PCP2: variants seen among roughly 807,000 people sequenced by gnomAD.
PCP2 encodes Purkinje cell protein 2 homolog.
Under a neutral mutation model 18.3 loss-of-function variants are expected in PCP2, and 21 were observed. The ratio of observed to expected loss-of-function variants is 1.14; its 90% CI spans 0.81 to 1.65. The LOEUF is 1.65. Among genes scored for constraint, PCP2 ranks in the 40% most tolerant of loss-of-function variants. The probability of loss-of-function intolerance (pLI) is 0.00; values close to 1 mark genes in which losing one functional copy is unlikely to be tolerated. For missense variants in PCP2, 202 were observed against 201.8 expected (o/e 1.00, Z 0.00); for synonymous variants, 85 against 77.6 (o/e 1.10, Z -0.50).
Position 7,633,417 on chromosome 19 carries a change from G to A in PCP2, c.41C>T (p.Pro14Leu), listed in dbSNP as rs764220504. The A allele has an allele frequency of 1.3e-6, 2 of 1,573,778 alleles. No individual in the cohort carries two copies. The highest frequency in any genetic ancestry group is 1.9e-5 in the Admixed American group (1 of 53,984). ...QEEKTEEGSG[P>L]CAEAGSPDQE... Reference sequence around the variant, plus strand: ...GCAGGGCCCTCTCACCTCGGCACAGGGGCCTGAGCCTTCCTCCGTCTTCTC... The same window carrying A: ...GCAGGGCCCTCTCACCTCGGCACAGAGGCCTGAGCCTTCCTCCGTCTTCTC... The change falls in exon 1 of 4, where the codon CCC (proline) becomes CTC (leucine). Residue 14 changes from proline (P) to leucine (L), a missense_variant. By Grantham distance (98) the Pro-to-Leu change is moderately conservative. Coordinates refer to ENST00000311069, the MANE Select transcript of PCP2 (RefSeq NM_174895.3).
intron 1 of PCP2, chr19:7,633,095 TC>T: frequency 1.7e-6 from 2 of 1,163,422 alleles, no homozygotes; most frequent in Non-Finnish European, 2.3e-6. Context: ...CCGATGCGTG[TC>T]CCGCCGTCCT....
chr19:7,631,912 CATT>C, intron 3 of PCP2, 104 bp from the exon 4 acceptor site: 1 of 1,148,074 alleles, frequency 8.7e-7, no homozygotes, highest in East Asian at 2.8e-5. Context: ...TGTCCCACCT[CATT>C]GTGAGCACTG....
upstream of PCP2, among the ~76,000 whole-genome samples, chr19:7,634,646 A>G (rs11672067): frequency 0.29 from 44,020 of 152,236 alleles, 7,001 homozygotes; most frequent in Non-Finnish European, 0.37. Flanking sequence ...CTGGGATTAC[A>G]GGCATGAGCC....
At position 7,632,174 on chromosome 19, in the gene PCP2, G is replaced by A. The variant is rs533254524; in HGVS notation, c.291+219C>T. The A allele has an allele frequency of 3.9e-3, 2,816 of 716,666 alleles. 12 individuals carry two copies. Among genetic ancestry groups the A allele is most frequent in the Non-Finnish European group, 5.6e-3 (2,537 of 449,770 alleles). The allele number at this position is 716,666 out of a possible 1,614,324, so 44.4% of individuals were successfully genotyped here. ...CCAGAACCTTCAGACTTGGGGGCAG[G>A]AGCCACAAGTTCCAGCCATGGGTCT... On this transcript the variant is annotated intron_variant, in intron 3 of 3. Transcript: ENST00000311069. This position sits in a 1 kb window ranked among gnomAD's most constrained non-coding sequence, Gnocchi z 5.2.
At chr19:7,631,961 G>A (rs1303879339) in intron 3 of PCP2, 153 bp from the exon 4 acceptor site, 10 of 784,816 alleles carry the variant, frequency 1.3e-5, no homozygotes, top group Non-Finnish European at 1.3e-5. Context: ...CATTTAGGGT[G>A]GCATTTGAGT....
rs769723500 is a variant in PCP2 at position 7,631,779 on chromosome 19, G to C, written c.321C>G (p.Leu107=). The C allele has an allele frequency of 2.8e-6, 4 of 1,417,300 alleles. No homozygotes were observed. The highest frequency in any genetic ancestry group is 3.7e-6 in the Non-Finnish European group (4 of 1,081,320). The allele number at this position is 1,417,300 out of a possible 1,614,324, so 87.8% of individuals were successfully genotyped here. A position where few individuals can be genotyped will look rare whatever the true frequency, so the allele number is the denominator to read the frequency against. The part of the protein sequence containing the change: ...KDGAQKRAGT[L]SPQPLLTPQD... Reference sequence around the variant, plus strand: ...GAGGGGTGAGCAGGGGTTGGGGACTGAGGGTCCCAGCTCGTTTCTGTGCTC... The same window carrying C: ...GAGGGGTGAGCAGGGGTTGGGGACTCAGGGTCCCAGCTCGTTTCTGTGCTC... The change falls in exon 4 of 4, where the codon CTC becomes CTG. Residue 107 remains leucine, a synonymous_variant. Coordinates refer to ENST00000311069, the MANE Select transcript of PCP2 (RefSeq NM_174895.3).
chr19:7,631,715 G>C lies in PCP2; in HGVS notation c.385C>G (p.Pro129Ala). 6.9e-7 allele frequency: 1 copy of C among 1,454,136 alleles called. No homozygotes were observed. Among genetic ancestry groups the C allele is most frequent in the Non-Finnish European group, 9.1e-7 (1 of 1,102,382 alleles). The allele number at this position is 1,454,136 out of a possible 1,614,324, so 90.1% of individuals were successfully genotyped here. A position where few individuals can be genotyped will look rare whatever the true frequency, so the allele number is the denominator to read the frequency against. The part of the protein sequence containing the change: ...TALGFRRNSS[P>A]QPPTQAP ...CAGGGGGCTTGTGTCGGGGGCTGGG[G>C]GCTGCTGTTCCGACGGAAGCCGAGA... Residue 129 changes from proline (P) to alanine (A), a missense_variant, in exon 4 of 4, where the codon CCC becomes GCC. By Grantham distance (27) the Pro-to-Ala change is conservative. Coordinates refer to ENST00000311069, the MANE Select transcript of PCP2 (RefSeq NM_174895.3).
upstream of PCP2, chr19:7,636,695 G>A (rs948156974): frequency 6.2e-6 from 1 of 160,108 alleles, no homozygotes; most frequent in Admixed American, 6.4e-5. Flanking sequence ...AGTTATCCAA[G>A]ACGGCTGCTG....
At chr19:7,636,461 C>G (rs766336071), upstream of PCP2, 1 of 152,166 alleles carries the variant, frequency 6.6e-6, no homozygotes, top group South Asian at 2.1e-4. Context: ...GTAAGCGTTG[C>G]GCCTCCCGGA....
At chr19:7,635,921 C>G (rs1285360531), upstream of PCP2, among the ~76,000 whole-genome samples, 1 of 152,172 alleles carries the variant, frequency 6.6e-6, no homozygotes, top group Non-Finnish European at 1.5e-5. Flanking sequence ...TGCCCCCACC[C>G]TCCAGCCTTC....
In PCP2 at chr19:7,631,637, A is replaced by C; in HGVS notation, c.*52T>G. 1 of 1,453,604 alleles carries C rather than the reference A, an allele frequency of 6.9e-7. No homozygotes were observed. Among genetic ancestry groups the C allele is most frequent in the Non-Finnish European group, 9.1e-7 (1 of 1,101,072 alleles). The allele number at this position is 1,453,604 out of a possible 1,614,324, so 90.0% of individuals were successfully genotyped here. A position where few individuals can be genotyped will look rare whatever the true frequency, so the allele number is the denominator to read the frequency against. Reference sequence around the variant, plus strand: ...TCCTTGTTATTCATTTAAGTGTTTTATTCTTTTATCAGTTTTTGGGGGCCG... The same window carrying C: ...TCCTTGTTATTCATTTAAGTGTTTTCTTCTTTTATCAGTTTTTGGGGGCCG... On this transcript the variant is annotated 3_prime_UTR_variant, in exon 4 of 4. Coordinates refer to ENST00000311069, the MANE Select transcript of PCP2 (RefSeq NM_174895.3).
upstream of PCP2, among the ~76,000 whole-genome samples, chr19:7,634,462 G>A (rs1369879613): frequency 6.6e-6 from 1 of 152,188 alleles, no homozygotes; most frequent in Non-Finnish European, 1.5e-5. Flanking sequence ...TCCTCAGTAC[G>A]TGTATCCCTT....
upstream of PCP2, among the ~76,000 whole-genome samples, chr19:7,634,571 T>C (rs1034272272): frequency 6.6e-5 from 10 of 152,248 alleles, no homozygotes; most frequent in Admixed American, 5.9e-4. Flanking sequence ...GGTCTCACTA[T>C]TTTGCCCAGG....
Position 7,633,585 on chromosome 19 carries a change from C to A in PCP2, c.-128G>T. On this transcript the variant is annotated 5_prime_UTR_variant, in exon 1 of 4. Transcript: ENST00000311069. ...CCCAAATCCCCAGCTCATGCCCCAT[C>A]TGCTCCCACCCAAGCTTAAGCCCCA... is the stretch of plus-strand genomic sequence containing the variant. 1.2e-6 allele frequency: 1 copy of A among 818,186 alleles called. No homozygotes were observed. The highest frequency in any genetic ancestry group is 2.0e-6 in the Non-Finnish European group (1 of 506,136). 50.7% of individuals were successfully genotyped at this position (818,186 alleles called of 1,614,324 possible).
Position 7,633,661 on chromosome 19 carries a change from G to T in PCP2, c.-204C>A. On this transcript the variant is annotated 5_prime_UTR_variant, in exon 1 of 4. Coordinates refer to ENST00000311069, the MANE Select transcript of PCP2 (RefSeq NM_174895.3). ...CCCACAACGATGCTGGATCTGGCAT[G>T]GTGGGTAGGGGGCAGGGCGACCTGA... 1 of 607,156 alleles carries T rather than the reference G, an allele frequency of 1.6e-6. No homozygotes were observed. The allele number at this position is 607,156 out of a possible 1,614,324, so 37.6% of individuals were successfully genotyped here. A position where few individuals can be genotyped will look rare whatever the true frequency, so the allele number is the denominator to read the frequency against.
At position 7,632,540 on chromosome 19, in the gene PCP2, G is replaced by C. The variant is rs1254535676; in HGVS notation, c.167-23C>G. 6.2e-7 allele frequency: 1 copy of C among 1,610,988 alleles called. No individual in the cohort carries two copies. Among genetic ancestry groups the C allele is most frequent in the South Asian group, 1.1e-5 (1 of 91,042 alleles). ...TCTCTGCGTGGACGTTCACAGACTT[G>C]GGAGGACACAGCCGGAGTGGGGGCC... is the stretch of plus-strand genomic sequence containing the variant. On this transcript the variant is annotated intron_variant, in intron 2 of 3. Coordinates refer to ENST00000311069, the MANE Select transcript of PCP2 (RefSeq NM_174895.3). This position sits in a 1 kb window ranked among gnomAD's most constrained non-coding sequence, Gnocchi z 5.2.
Position 7,632,578 on chromosome 19 carries a change from C to T in PCP2, c.167-61G>A. 1.2e-6 allele frequency: 2 copies of T among 1,601,512 alleles called. No homozygotes were observed. The highest frequency in any genetic ancestry group is 1.7e-6 in the Non-Finnish European group (2 of 1,174,800). ...CGGAGTGGGGGCCCCCAACCCTACCCCTTCACCCCCACACAGATGCTTCAG... is the reference window on the plus strand; with the variant it reads ...CGGAGTGGGGGCCCCCAACCCTACCTCTTCACCCCCACACAGATGCTTCAG... On this transcript the variant is annotated intron_variant, in intron 2 of 3. Transcript: ENST00000311069. The surrounding 1 kb of genome is among the most constrained non-coding windows in gnomAD (Gnocchi z 5.2).
chr19:7,631,761 G>A lies in PCP2; in HGVS notation c.339C>T (p.Leu113=). The change falls in exon 4 of 4, where the codon CTC becomes CTT. Residue 113 remains leucine, a synonymous_variant. Transcript: ENST00000311069. ...RAGTLSPQPL[L]TPQDPTALGF... ...CGAGAGCGGTCGGGTCCTGAGGGGT[G>A]AGCAGGGGTTGGGGACTGAGGGTCC... is the stretch of plus-strand genomic sequence containing the variant. The A allele has an allele frequency of 7.0e-7, 1 of 1,429,524 alleles. No individual in the cohort carries two copies. The highest frequency in any genetic ancestry group is 9.2e-7 in the Non-Finnish European group (1 of 1,088,178). 88.6% of individuals were successfully genotyped at this position (1,429,524 alleles called of 1,614,324 possible).
In PCP2 at chr19:7,633,399, C is replaced by T. The variant is rs761451658; in HGVS notation, c.51+8G>A. 2.6e-6 allele frequency: 4 copies of T among 1,564,676 alleles called. No homozygotes were observed. The highest frequency in any genetic ancestry group is 3.8e-5 in the Admixed American group (2 of 52,810). ...GCTGGGGGTGGGGTGGGGGCAGGGCCCTCTCACCTCGGCACAGGGGCCTGA... is the reference window on the plus strand; with the variant it reads ...GCTGGGGGTGGGGTGGGGGCAGGGCTCTCTCACCTCGGCACAGGGGCCTGA... On this transcript the variant is annotated splice_region_variant and intron_variant, in intron 1 of 3. Transcript: ENST00000311069.
Sources: gnomAD v4.1 joint callset for allele counts (sites outside exome capture counted in the v4.1 genomes callset) on GRCh38, gnomAD v4.1.1 for gene constraint, Gnocchi (gnomAD v3.1) non-coding constraint, MANE v1.5 for transcripts, NCBI Gene and HGNC (gene_info 2026-07-23, HGNC 2026-07-21) for gene names.